The following HCN1 variants were observed in gnomAD, a reference collection of about 807,000 sequenced individuals.
The protein encoded by HCN1 is hyperpolarization activated cyclic nucleotide gated potassium channel 1.
Under a neutral mutation model 78.9 loss-of-function variants are expected in HCN1, and 13 were observed. The observed-to-expected ratio is 0.16, with a 90% CI of 0.11 to 0.26. HCN1 has a LOEUF of 0.26. Ranked by LOEUF, HCN1 falls within the 10% of genes least tolerant of loss-of-function variation. HCN1 has a pLI of 1.00. For missense variants in HCN1, 810 were observed against 1,154.3 expected, an observed-to-expected ratio of 0.70 and a Z score of 4.32; for synonymous variants, 552 against 455.5, an observed-to-expected ratio of 1.21 and a Z score of -2.70.
At chr5:45,503,695 G>A (rs1335351405) in intron 2 of HCN1, among the ~76,000 whole-genome samples, 1 of 151,728 alleles carries the variant, frequency 6.6e-6, no homozygotes, top group East Asian at 1.9e-4. Flanking sequence ...ACCATATGGG[G>A]CGGTGAGTTT....
intron 5 of HCN1, among the ~76,000 whole-genome samples, chr5:45,343,166 G>A (rs1746620175): frequency 6.6e-6 from 1 of 152,184 alleles, no homozygotes; most frequent in Admixed American, 6.5e-5. Context: ...AGGCCACTTT[G>A]CAACAGACAT....
intron 2 of HCN1, among the ~76,000 whole-genome samples, chr5:45,592,271 T>C (rs1744381051): frequency 6.6e-6 from 1 of 152,116 alleles, no homozygotes; most frequent in Non-Finnish European, 1.5e-5. Context: ...TCTTAAAGTA[T>C]GCGGAGTTCA....
At chr5:45,595,990 C>T (rs1205547236) in intron 2 of HCN1, among the ~76,000 whole-genome samples, 2 of 151,756 alleles carry the variant, frequency 1.3e-5, no homozygotes, top group African/African-American at 4.8e-5. Flanking sequence ...CCTGGGTTCA[C>T]GACATTCTCC....
intron 2 of HCN1, among the ~76,000 whole-genome samples, chr5:45,500,326 G>T (rs1742163191): frequency 6.6e-6 from 1 of 152,124 alleles, no homozygotes; most frequent in Non-Finnish European, 1.5e-5. Context: ...AGCTTAGGTG[G>T]AAAATTTTTG....
chr5:45,504,247 C>G (rs2111740811), intron 2 of HCN1, among the ~76,000 whole-genome samples: 1 of 152,164 alleles, frequency 6.6e-6, no homozygotes, highest in South Asian at 2.1e-4. Flanking sequence ...CTTTCCCTCC[C>G]CTCTCCCCTC....
intron 3 of HCN1, among the ~76,000 whole-genome samples, chr5:45,459,401 C>CAAAAAAAAAAAAAAA (rs34217584): frequency 9.0e-6 from 1 of 111,634 alleles, no homozygotes; most frequent in Non-Finnish European, 1.9e-5. Flanking sequence ...AATCTGCAGC[C>CAAAAAAAAAAAAAAA]AAAAAAAAAA....
chr5:45,327,623 C>A (rs1746261023), intron 5 of HCN1, among the ~76,000 whole-genome samples: 1 of 151,346 alleles, frequency 6.6e-6, no homozygotes, highest in Non-Finnish European at 1.5e-5. Flanking sequence ...TTGTGTCTCC[C>A]AAAAAAATTT....
chr5:45,519,624 TC>T (rs2111775346), intron 2 of HCN1, among the ~76,000 whole-genome samples: 1 of 152,118 alleles, frequency 6.6e-6, no homozygotes, highest in Admixed American at 6.6e-5. Context: ...TTTTATCACA[TC>T]AATTTTTAAA....
intron 2 of HCN1, among the ~76,000 whole-genome samples, chr5:45,500,014 T>C (rs1251239445): frequency 6.6e-6 from 1 of 152,120 alleles, no homozygotes; most frequent in East Asian, 1.9e-4. Context: ...TAGAAGTAAT[T>C]ATAATTTTAT....
chr5:45,361,266 C>T (rs770972337), intron 4 of HCN1, among the ~76,000 whole-genome samples: 1 of 152,012 alleles, frequency 6.6e-6, no homozygotes, highest in South Asian at 2.1e-4. Flanking sequence ...ACTGCAACCT[C>T]GGCCTCCTGG....
chr5:45,429,828 G>C (rs570822898), intron 3 of HCN1, among the ~76,000 whole-genome samples: 1 of 152,256 alleles, frequency 6.6e-6, no homozygotes, highest in Admixed American at 6.5e-5. Context: ...CACACTGACA[G>C]TGAGCCTGGA....
chr5:45,478,658 C>T (rs770307442), intron 2 of HCN1, among the ~76,000 whole-genome samples: 39 of 152,144 alleles, frequency 2.6e-4, no homozygotes, highest in African/African-American at 9.4e-4. Flanking sequence ...TTCAAAAATG[C>T]TAGGCAACCA....
At chr5:45,445,819 C>T (rs1389057208) in intron 3 of HCN1, among the ~76,000 whole-genome samples, 1 of 152,188 alleles carries the variant, frequency 6.6e-6, no homozygotes, top group Admixed American at 6.5e-5. Context: ...AGACCTGCAG[C>T]TGAGGGTCCT....
At chr5:45,509,929 C>A (rs1742377835) in intron 2 of HCN1, among the ~76,000 whole-genome samples, 1 of 152,058 alleles carries the variant, frequency 6.6e-6, no homozygotes, top group African/African-American at 2.4e-5. Flanking sequence ...TAATCTAGAT[C>A]CCCTGCTACC....
chr5:45,511,102 C>T (rs1742406565), intron 2 of HCN1, among the ~76,000 whole-genome samples: 2 of 151,882 alleles, frequency 1.3e-5, no homozygotes, highest in Admixed American at 1.3e-4. Context: ...ATACCCAGTA[C>T]CTAGATGATG....
chr5:45,687,354 C>T (rs1462504120), intron 1 of HCN1, among the ~76,000 whole-genome samples: 1 of 152,108 alleles, frequency 6.6e-6, no homozygotes, highest in African/African-American at 2.4e-5. Context: ...TGTCCATTTT[C>T]ACTTTTTTAT....
intron 6 of HCN1, among the ~76,000 whole-genome samples, chr5:45,300,689 G>C (rs1441104182): frequency 2.0e-5 from 3 of 152,072 alleles, no homozygotes; most frequent in African/African-American, 7.2e-5. Context: ...TTTTGACAGA[G>C]CAGGGGTTGG....
At chr5:45,679,230 C>T (rs1007705861) in intron 1 of HCN1, among the ~76,000 whole-genome samples, 6 of 151,890 alleles carry the variant, frequency 4.0e-5, no homozygotes, top group Non-Finnish European at 5.9e-5. Context: ...TTCCATAGTT[C>T]AGTTTTCTAA....
intron 2 of HCN1, chr5:45,642,363 T>G (rs1330741807): frequency 6.6e-6 from 1 of 152,102 alleles, no homozygotes; most frequent in Non-Finnish European, 1.5e-5. Flanking sequence ...AGCACAAAAA[T>G]TTAAAGCTTC....
Sources: gnomAD v4.1 joint callset for allele counts (sites outside exome capture counted in the v4.1 genomes callset) on GRCh38, gnomAD v4.1.1 for gene constraint, MANE v1.5 for transcripts, NCBI Gene and HGNC (gene_info 2026-07-23, HGNC 2026-07-21) for gene names.